The following CSMD2 variants were observed in gnomAD, a reference collection of about 807,000 sequenced individuals.
The protein encoded by CSMD2 is CUB and Sushi multiple domains 2, also known as CUB and sushi domain-containing protein 2.
Under a neutral mutation model 398.5 loss-of-function variants are expected in CSMD2, and 130 were observed. The ratio of observed to expected loss-of-function variants is 0.33; its 90% CI spans 0.28 to 0.38. CSMD2 has a LOEUF of 0.38. Ranked by LOEUF, CSMD2 falls within the 10% of genes least tolerant of loss-of-function variation. The pLI is 1.00. For synonymous variants in CSMD2, 1,828 were observed against 1,908.5 expected, an observed-to-expected ratio of 0.96 and a Z score of 1.10; for missense variants, 3,829 against 4,764.9, an observed-to-expected ratio of 0.80 and a Z score of 5.78.
chr1:33,973,823 G>A (rs567197284), intron 3 of CSMD2, among the ~76,000 whole-genome samples: 6 of 152,278 alleles, frequency 3.9e-5, no homozygotes, highest in African/African-American at 1.2e-4. Flanking sequence ...GGAATGGGGA[G>A]TGACCAGGGC....
At position 33,519,123 on chromosome 1, in the gene CSMD2, T is replaced by G. The variant is rs56216059; in HGVS notation, c.*53+342A>C. On this transcript the variant is annotated intron_variant, in intron 70 of 70. Coordinates refer to ENST00000373381, the MANE Select transcript of CSMD2 (RefSeq NM_001281956.2). The surrounding 1 kb of genome is among the most constrained non-coding windows in gnomAD (Gnocchi z 5.6). Reference sequence around the variant, plus strand: ...GCCGATGTTCTGCCAAGCCCAGGGGTGAGGAGCAGTTTCTGGAGCCAGTCA... The same window carrying G: ...GCCGATGTTCTGCCAAGCCCAGGGGGGAGGAGCAGTTTCTGGAGCCAGTCA... Among the ~76,000 whole-genome samples the G allele has an allele frequency of 0.018, 2,737 of 151,998 alleles. 30 individuals carry two copies. Among genetic ancestry groups the G allele is most frequent in the Non-Finnish European group, 0.03 (2,024 of 67,960 alleles).
chr1:33,618,364 A>G (rs1641537067), intron 37 of CSMD2, among the ~76,000 whole-genome samples: 1 of 151,984 alleles, frequency 6.6e-6, no homozygotes, highest in South Asian at 2.1e-4. Flanking sequence ...GTGTTGCTTA[A>G]AATCTCTCCT....
chr1:33,937,182 C>T (rs183371390), intron 3 of CSMD2, among the ~76,000 whole-genome samples: 6 of 152,242 alleles, frequency 3.9e-5, no homozygotes, highest in Admixed American at 1.3e-4. Context: ...GTGAGTACAA[C>T]GCAAGTGAAT....
rs1640165692 is a variant in CSMD2, at chr1:33,600,886, T to A, written c.6835A>T (p.Ile2279Phe). ...TGACCGGAGAAAGCTATGGCGAAGA[T>A]CCCCCCTGTGGCTGCATCACGGTGG... ...KFHRDAATGG[I>F]FAIAFSAYPL... is the part of the protein sequence containing the mutation. The change falls in exon 44 of 71, where the codon ATC (isoleucine) becomes TTC (phenylalanine). Residue 2279 changes from isoleucine (I) to phenylalanine (F), a missense_variant. Ile to Phe is a conservative substitution (Grantham distance 21). Coordinates refer to ENST00000373381, the MANE Select transcript of CSMD2 (RefSeq NM_001281956.2). The A allele has an allele frequency of 6.2e-7, 1 of 1,613,526 alleles. No homozygotes were observed. The highest frequency in any genetic ancestry group is 1.3e-5 in the African/African-American group (1 of 74,714).
chr1:34,039,858 T>C (rs1651632766), intron 2 of CSMD2, among the ~76,000 whole-genome samples: 1 of 152,042 alleles, frequency 6.6e-6, no homozygotes, highest in Non-Finnish European at 1.5e-5. Context: ...GAGATCTCAA[T>C]AAAAGAGGTA....
intron 10 of CSMD2, among the ~76,000 whole-genome samples, chr1:33,807,360 T>C (rs959070587): frequency 1.4e-4 from 21 of 152,296 alleles, no homozygotes; most frequent in African/African-American, 4.6e-4. Flanking sequence ...AATATACCCA[T>C]GTAACAAACC....
chr1:33,862,042 T>C (rs1048982807), intron 5 of CSMD2: 2 of 152,030 alleles, frequency 1.3e-5, no homozygotes, highest in African/African-American at 4.8e-5. Flanking sequence ...CCAGAGAAGG[T>C]TGAAGAGAGG....
chr1:34,067,327 A>T (rs915776095), intron 2 of CSMD2, among the ~76,000 whole-genome samples: 6 of 152,370 alleles, frequency 3.9e-5, no homozygotes, highest in African/African-American at 1.4e-4. Context: ...AACATGTACA[A>T]AAGATGTAAA....
intron 2 of CSMD2, among the ~76,000 whole-genome samples, chr1:34,083,312 C>T (rs540157123): frequency 2.6e-4 from 39 of 152,286 alleles, no homozygotes; most frequent in Admixed American, 1.2e-3. Flanking sequence ...TTCTAGCTCT[C>T]GCTCTTTGTC....
At chr1:33,541,688 C>T (rs1199779938) in intron 58 of CSMD2, among the ~76,000 whole-genome samples, 3 of 152,320 alleles carry the variant, frequency 2.0e-5, no homozygotes, top group Non-Finnish European at 4.4e-5. Context: ...TCCTTGCCCA[C>T]ACTGTCCTTA....
In CSMD2 at chr1:33,519,790, C is replaced by A; in HGVS notation, c.10736+22G>T. 1 of 1,613,368 alleles carries A rather than the reference C, an allele frequency of 6.2e-7. No homozygotes were observed. Among genetic ancestry groups the A allele is most frequent in the African/African-American group, 1.3e-5 (1 of 74,930 alleles). On this transcript the variant is annotated intron_variant, in intron 69 of 70. Transcript: ENST00000373381. This position sits in a 1 kb window ranked among gnomAD's most constrained non-coding sequence, Gnocchi z 5.6. ...GAGGGAGGCCTGCCTGATGCCCGCC[C>A]TGCCTCCTTCCTGCACGGTACCTGT...
At chr1:33,986,949 G>A (rs1025048351) in intron 3 of CSMD2, among the ~76,000 whole-genome samples, 1 of 152,180 alleles carries the variant, frequency 6.6e-6, no homozygotes, top group Admixed American at 6.5e-5. Flanking sequence ...TGTGTGTAAG[G>A]CTTGCAGGAG....
intron 6 of CSMD2, among the ~76,000 whole-genome samples, chr1:33,829,910 C>G (rs1282888305): frequency 6.6e-6 from 1 of 152,218 alleles, no homozygotes; most frequent in Admixed American, 6.5e-5. Flanking sequence ...TGATTGCTAG[C>G]ACAGCAGTCT....
rs143571706 is a variant in CSMD2, at chr1:34,052,495, C to CTGTGTGTGTGTG, written c.405-19801_405-19790dup. 1.3e-3 allele frequency among the ~76,000 whole-genome samples: 180 copies of CTGTGTGTGTGTG among 134,164 alleles called. 2 individuals are homozygous for CTGTGTGTGTGTG. In the Middle Eastern group the frequency reaches 0.016, roughly 12 times the overall value. 88.0% of individuals were successfully genotyped at this position (134,164 alleles called of 152,430 possible). ...GAGAAATCAATCCCCTATGGGACAA[C>CTGTGTGTGTGTG]TGTGTGTGTGTGTGTGTGTGTGTGT... On this transcript the variant is annotated intron_variant, in intron 2 of 70. Transcript: ENST00000373381.
In CSMD2 at chr1:34,027,910, C is replaced by CAGGAGG. The variant is rs549670113; in HGVS notation, c.517+4678_517+4683dup. ...GCAGGACATGGGCAGACATGGGAGT[C>CAGGAGG]AGGAGGAGGAGGAGGAGGTAAGTGG... is the stretch of plus-strand genomic sequence containing the variant. On this transcript the variant is annotated intron_variant, in intron 3 of 70. Transcript: ENST00000373381. Among the ~76,000 whole-genome samples, 28 of 147,602 alleles carry CAGGAGG rather than the reference C, an allele frequency of 1.9e-4. 1 individual carries two copies. In the South Asian group the frequency reaches 5.0e-3, roughly 26 times the overall value.
chr1:33,790,689 A>G (rs1201003044), intron 11 of CSMD2, among the ~76,000 whole-genome samples: 2 of 133,816 alleles, frequency 1.5e-5, no homozygotes, highest in African/African-American at 3.2e-5. Flanking sequence ...CTATCTATCT[A>G]TCTATCTATC....
At chr1:33,556,097 T>C (rs946691919) in intron 55 of CSMD2, among the ~76,000 whole-genome samples, 5 of 152,194 alleles carry the variant, frequency 3.3e-5, no homozygotes, top group Non-Finnish European at 7.3e-5. Context: ...AGCCTGAATA[T>C]GTGACTGAAT....
intron 48 of CSMD2, among the ~76,000 whole-genome samples, chr1:33,578,949 T>C (rs575523744): frequency 6.6e-6 from 1 of 152,228 alleles, no homozygotes; most frequent in Non-Finnish European, 1.5e-5. Context: ...TCCACATGGT[T>C]ACCTCCCTCA....
intron 5 of CSMD2, among the ~76,000 whole-genome samples, chr1:33,858,904 A>G (rs1639287415): frequency 6.6e-6 from 1 of 152,220 alleles, no homozygotes; most frequent in Admixed American, 6.5e-5. Context: ...TGCTAAGTGA[A>G]TTAGTGAATT....
Sources: gnomAD v4.1 joint callset for allele counts (sites outside exome capture counted in the v4.1 genomes callset) on GRCh38, gnomAD v4.1.1 for gene constraint, Gnocchi (gnomAD v3.1) non-coding constraint, MANE v1.5 for transcripts, NCBI Gene and HGNC (gene_info 2026-07-23, HGNC 2026-07-21) for gene names.